REC8: variants seen among roughly 807,000 people sequenced by gnomAD.
REC8 encodes meiotic recombination protein REC8 homolog.
Under a neutral mutation model 78.3 loss-of-function variants are expected in REC8, and 42 were observed. That is an observed-to-expected ratio of 0.54 (90% CI 0.42 to 0.69). The LOEUF is 0.69. Among genes scored for constraint, REC8 ranks in the 30% least tolerant of loss-of-function variants. The probability of loss-of-function intolerance (pLI) is 0.00; values close to 1 mark genes in which losing one functional copy is unlikely to be tolerated. For missense variants in REC8, 581 were observed against 715.8 expected (o/e 0.81, Z 2.15); for synonymous variants, 268 against 274.1 (o/e 0.98, Z 0.22).
intron 6 of REC8, among the ~76,000 whole-genome samples, chr14:24,176,082 TGA>T (rs927383316): frequency 6.6e-6 from 1 of 150,798 alleles, no homozygotes; most frequent in African/African-American, 2.4e-5. Context: ...TTTTTTTTTT[TGA>T]GAGATGGGGT....
At position 24,172,757 on chromosome 14, in the gene REC8, T is replaced by C; in HGVS notation, c.101T>C (p.Leu34Pro). 1 of 1,614,078 alleles carries C rather than the reference T, an allele frequency of 6.2e-7. No individual in the cohort carries two copies. Among genetic ancestry groups the C allele is most frequent in the Non-Finnish European group, 8.5e-7 (1 of 1,179,998 alleles). Residue 34 changes from leucine (L) to proline (P), a missense_variant, in exon 2 of 19, where the codon CTG becomes CCG. Leu to Pro is a moderately conservative substitution (Grantham distance 98). Transcript: ENST00000611366. Reference protein sequence around the residue: ...RGSRLVKREYLRVNVVKTCEE... With the variant: ...RGSRLVKREYPRVNVVKTCEE... ...AGCCGGTTGGTGAAGCGCGAATACC[T>C]GAGGGTGAATGTGGTGAAAACCTGG... is the stretch of plus-strand genomic sequence containing the variant.
rs746836796 is a variant in REC8 at position 24,179,256 on chromosome 14, G to A, written c.1252+123G>A. ...GTGTGTGTGTGACATAAGGAAGCACGGACTGGTCCTCCTCAGCTCTCCCAC... is the reference window on the plus strand; with the variant it reads ...GTGTGTGTGTGACATAAGGAAGCACAGACTGGTCCTCCTCAGCTCTCCCAC... On this transcript the variant is annotated intron_variant, in intron 15 of 18. Coordinates refer to ENST00000611366, the MANE Select transcript of REC8 (RefSeq NM_001048205.2). 1.6e-5 allele frequency: 19 copies of A among 1,191,060 alleles called. 1 individual carries two copies. The highest frequency in any genetic ancestry group is 2.0e-4 in the Middle Eastern group (1 of 4,932). 73.8% of individuals were successfully genotyped at this position (1,191,060 alleles called of 1,614,324 possible). A position where few individuals can be genotyped will look rare whatever the true frequency, so the allele number is the denominator to read the frequency against.
downstream of REC8, chr14:24,180,820 T>C (rs1201647803): frequency 6.7e-7 from 1 of 1,495,340 alleles, no homozygotes; most frequent in Non-Finnish European, 9.2e-7. Context: ...AGGAGGGTGG[T>C]CAGGACCAAG....
rs34075659 is a variant in REC8, at chr14:24,172,747, C to T, written c.91C>T (p.Arg31Cys). 3.9e-3 allele frequency: 6,296 copies of T among 1,614,196 alleles called. 14 individuals carry two copies. Among genetic ancestry groups the T allele is most frequent in the Non-Finnish European group, 4.7e-3 (5,593 of 1,180,038 alleles). Reference sequence around the variant, plus strand: ...GACTCGCGGCAGCCGGTTGGTGAAGCGCGAATACCTGAGGGTGAATGTGGT... The same window carrying T: ...GACTCGCGGCAGCCGGTTGGTGAAGTGCGAATACCTGAGGGTGAATGTGGT... ...AATRGSRLVKREYLRVNVVKT... is the reference protein window; with the variant it reads ...AATRGSRLVKCEYLRVNVVKT... Residue 31 changes from arginine (R) to cysteine (C), a missense_variant, in exon 2 of 19, where the codon CGC (arginine) becomes TGC (cysteine). Transcript: ENST00000611366.
rs560252231 is a variant in REC8 at position 24,179,472 on chromosome 14, C to T, written c.1319+9C>T. ...CCACCAGAAGAACGGTGGTAAGCGGCCAGGCTCCGTGGGAGCCAGGGCCCA... is the reference window on the plus strand; with the variant it reads ...CCACCAGAAGAACGGTGGTAAGCGGTCAGGCTCCGTGGGAGCCAGGGCCCA... On this transcript the variant is annotated intron_variant, in intron 16 of 18. Transcript: ENST00000611366. 69 of 1,614,122 alleles carry T rather than the reference C, an allele frequency of 4.3e-5. No homozygotes were observed. In the South Asian group the frequency reaches 7.4e-4, roughly 17 times the overall value.
rs1313057878 is a variant in REC8 at position 24,180,111 on chromosome 14, A to G, written c.*16A>G. 1.2e-6 allele frequency: 2 copies of G among 1,614,044 alleles called. No homozygotes were observed. The highest frequency in any genetic ancestry group is 2.7e-5 in the African/African-American group (2 of 74,928). On this transcript the variant is annotated 3_prime_UTR_variant, in exon 19 of 19. Transcript: ENST00000611366. Reference sequence around the variant, plus strand: ...ATTCCACTGAGGTTAGAGTCCATTTACAAAGCTGCCAGGAAACCGGCCACT... The same window carrying G: ...ATTCCACTGAGGTTAGAGTCCATTTGCAAAGCTGCCAGGAAACCGGCCACT...
Position 24,179,089 on chromosome 14 carries a change from C to T in REC8, c.1208C>T (p.Pro403Leu), listed in dbSNP as rs779227972. The T allele has an allele frequency of 1.8e-5, 29 of 1,598,596 alleles. No homozygotes were observed. The highest frequency in any genetic ancestry group is 1.6e-4 in the Middle Eastern group (1 of 6,064). ...TTCTACTTCTCCCATCCCCAGGTCC[C>T]GAGGGAGGCCCTGGAGCCCAGTGTT... ...KIEVPSEIEV[P>L]REALEPSVPL... The change falls in exon 15 of 19, where the codon CCG (proline) becomes CTG (leucine). Residue 403 changes from proline (P) to leucine (L), a missense_variant. By Grantham distance (98) the Pro-to-Leu change is moderately conservative. Transcript: ENST00000611366.
chr14:24,180,867 C>T (rs571956801), downstream of REC8: 822 of 810,956 alleles, frequency 1.0e-3, 1 homozygote, highest in Non-Finnish European at 1.4e-3. Flanking sequence ...GTGGTTGCAC[C>T]TGGTACTGAT....
At position 24,179,780 on chromosome 14, in the gene REC8, A is replaced by C. The variant is rs1406656067; in HGVS notation, c.1452-20A>C. ...TGGACCCGGGCTGAAGCCTCTGCTAATGGTTCTTGATCCCTATAGGGCAGT... is the reference window on the plus strand; with the variant it reads ...TGGACCCGGGCTGAAGCCTCTGCTACTGGTTCTTGATCCCTATAGGGCAGT... On this transcript the variant is annotated intron_variant, in intron 17 of 18. Coordinates refer to ENST00000611366, the MANE Select transcript of REC8 (RefSeq NM_001048205.2). The C allele has an allele frequency of 2.0e-5, 32 of 1,613,950 alleles. No individual in the cohort carries two copies. The highest frequency in any genetic ancestry group is 2.7e-5 in the Non-Finnish European group (32 of 1,179,908).
rs375031164 is a variant in REC8, at chr14:24,174,402, C to T, written c.462+991C>T. 3.2e-4 allele frequency among the ~76,000 whole-genome samples: 48 copies of T among 152,278 alleles called. No individual in the cohort carries two copies. The South Asian group carries it at 3.3e-3, about 11-fold the overall frequency. On this transcript the variant is annotated intron_variant, in intron 5 of 18. Coordinates refer to ENST00000611366, the MANE Select transcript of REC8 (RefSeq NM_001048205.2). Reference sequence around the variant, plus strand: ...AAGCGATTCTCCTGCCTCGGCCTCCCGAATAGCTGGGATTACAGATGCCTG... The same window carrying T: ...AAGCGATTCTCCTGCCTCGGCCTCCTGAATAGCTGGGATTACAGATGCCTG...
rs755663901 is a variant in REC8 at position 24,175,624 on chromosome 14, G to C, written c.544G>C (p.Glu182Gln). ...AGTTCCTACAGAGCCCAGGGAGCCA[G>C]GTCAGCAGAGAGAACCTTCTTTCTG... ...PEVPTEPREP[E>Q]RIPVTVLPPE... The change falls in exon 6 of 19, where the codon GAG (glutamate) becomes CAG (glutamine). Residue 182 changes from glutamate to glutamine, a missense_variant and splice_region_variant. Physicochemically the swap from Glu to Gln is conservative, Grantham distance 29 (BLOSUM62 2). Coordinates refer to ENST00000611366, the MANE Select transcript of REC8 (RefSeq NM_001048205.2). The C allele has an allele frequency of 6.2e-7, 1 of 1,612,364 alleles. No homozygotes were observed. Among genetic ancestry groups the C allele is most frequent in the Non-Finnish European group, 8.5e-7 (1 of 1,178,470 alleles).
chr14:24,175,318 T>C (rs2038841939), intron 5 of REC8: 2 of 419,278 alleles, frequency 4.8e-6, no homozygotes, highest in South Asian at 3.3e-5. Flanking sequence ...CTTGCACAAA[T>C]TGATGAGGGC....
chr14:24,172,811 G>A (rs1235183543), intron 2 of REC8, 30 bp downstream of exon 2: 1 of 1,613,998 alleles, frequency 6.2e-7, no homozygotes, highest in African/African-American at 1.3e-5. Context: ...AGGAGGGCCT[G>A]GTGCGGGGGG....
chr14:24,174,252 A>G (rs956345547), intron 5 of REC8, among the ~76,000 whole-genome samples: 1 of 151,536 alleles, frequency 6.6e-6, no homozygotes, highest in Non-Finnish European at 1.5e-5. Context: ...CCAAAGTGCT[A>G]GGATTACAGA....
In REC8 at chr14:24,172,539, AG is replaced by A. The variant is rs1326970384; in HGVS notation, c.-13del. On this transcript the variant is annotated 5_prime_UTR_variant, in exon 1 of 19. Transcript: ENST00000611366. ...GGGATCTGGTGGAATCGAGGGTGAA[AG>A]ACCAGAGGGACAATGTTCTACTATC... 6.2e-7 allele frequency: 1 copy of A among 1,606,780 alleles called. No homozygotes were observed. Among genetic ancestry groups the A allele is most frequent in the Non-Finnish European group, 8.5e-7 (1 of 1,174,746 alleles).
chr14:24,180,751 T>A (rs781409856), downstream of REC8: 4 of 1,613,796 alleles, frequency 2.5e-6, no homozygotes, highest in Admixed American at 6.7e-5. Context: ...GGGAGCCACA[T>A]CTATAACCTG....
chr14:24,178,458 C>T, intron 12 of REC8, 148 bp from the exon 13 acceptor site: 1 of 902,738 alleles, frequency 1.1e-6, no homozygotes, highest in Non-Finnish European at 1.7e-6. Flanking sequence ...AAAAGTCCTT[C>T]TTTTAGCAAT....
chr14:24,172,881 G>A lies in REC8; in HGVS notation c.126-18G>A, dbSNP rs780222210. 1 of 1,613,424 alleles carries A rather than the reference G, an allele frequency of 6.2e-7. No individual in the cohort carries two copies. Among genetic ancestry groups the A allele is most frequent in the Non-Finnish European group, 8.5e-7 (1 of 1,179,974 alleles). ...CCACTCCTGGACGCAGCGGTAATCA[G>A]GGCGCATTGTTCCCCAGCGAGGAAA... is the stretch of plus-strand genomic sequence containing the variant. On this transcript the variant is annotated intron_variant, in intron 2 of 18. Coordinates refer to ENST00000611366, the MANE Select transcript of REC8 (RefSeq NM_001048205.2).
At position 24,177,703 on chromosome 14, in the gene REC8, T is replaced by C; in HGVS notation, c.815-6T>C. On this transcript the variant is annotated splice_region_variant and splice_polypyrimidine_tract_variant and intron_variant, in intron 10 of 18. Transcript: ENST00000611366. Reference sequence around the variant, plus strand: ...ATGGGACAGAGCCCCTTGGGTGTTGTTGCAGAGGTGACCCCCCCGGAGGAG... The same window carrying C: ...ATGGGACAGAGCCCCTTGGGTGTTGCTGCAGAGGTGACCCCCCCGGAGGAG... 1 of 1,609,650 alleles carries C rather than the reference T, an allele frequency of 6.2e-7. No individual in the cohort carries two copies. The highest frequency in any genetic ancestry group is 8.5e-7 in the Non-Finnish European group (1 of 1,178,112).
Sources: gnomAD v4.1 joint callset for allele counts (sites outside exome capture counted in the v4.1 genomes callset) on GRCh38, gnomAD v4.1.1 for gene constraint, MANE v1.5 for transcripts, NCBI Gene and HGNC (gene_info 2026-07-23, HGNC 2026-07-21) for gene names.